The following SORBS2 variants were observed in gnomAD, a reference collection of about 807,000 sequenced individuals.
The protein encoded by SORBS2 is sorbin and SH3 domain-containing protein 2.
SORBS2 carries 46 observed loss-of-function variants against 97.7 expected under a neutral mutation model. That is an observed-to-expected ratio of 0.47 (90% CI 0.37 to 0.60). SORBS2 has a LOEUF of 0.60. Ranked by LOEUF, SORBS2 falls within the 20% of genes least tolerant of loss-of-function variation. SORBS2 has a pLI of 0.00. For synonymous variants in SORBS2, 476 were observed against 473.4 expected (o/e 1.01, Z -0.07); for missense variants, 1,316 against 1,282.3 (o/e 1.03, Z -0.40).
At chr4:185,858,601 C>A (rs1177708669) in intron 1 of SORBS2, among the ~76,000 whole-genome samples, 1 of 152,180 alleles carries the variant, frequency 6.6e-6, no homozygotes, top group African/African-American at 2.4e-5. Context: ...GCCATAAGCA[C>A]TGACATCTCT....
chr4:185,777,011 C>T (rs187885768), intron 1 of SORBS2, among the ~76,000 whole-genome samples: 11 of 151,268 alleles, frequency 7.3e-5, no homozygotes, highest in African/African-American at 2.7e-4. Context: ...TAAAGAAAGA[C>T]ACTGAAATAG....
chr4:185,619,650 A>G (rs1041637883), intron 8 of SORBS2, among the ~76,000 whole-genome samples: 13 of 152,240 alleles, frequency 8.5e-5, no homozygotes, highest in African/African-American at 3.1e-4. Flanking sequence ...GAAGCCAGCA[A>G]AAATGATTTC....
intron 1 of SORBS2, among the ~76,000 whole-genome samples, chr4:185,894,958 G>A (rs565000388): frequency 1.3e-5 from 2 of 152,324 alleles, no homozygotes; most frequent in East Asian, 3.9e-4. Context: ...TGACACCCCG[G>A]CTGGGCCCAT....
chr4:185,759,636 G>A (rs539663441), intron 2 of SORBS2, among the ~76,000 whole-genome samples: 18 of 151,400 alleles, frequency 1.2e-4, no homozygotes, highest in African/African-American at 4.4e-4. Context: ...TTCTGTTACA[G>A]TTTTAAAAGA....
intron 14 of SORBS2, among the ~76,000 whole-genome samples, chr4:185,588,958 C>T (rs547029270): frequency 6.6e-6 from 1 of 152,122 alleles, no homozygotes; most frequent in African/African-American, 2.4e-5. Flanking sequence ...GGCTTGTGGC[C>T]GCACCAGGGC....
chr4:185,943,152 C>T (rs943699645), intron 1 of SORBS2, among the ~76,000 whole-genome samples: 2 of 152,140 alleles, frequency 1.3e-5, no homozygotes, highest in East Asian at 1.9e-4. Flanking sequence ...TCATAGATCA[C>T]GTTCAAACAC....
At chr4:185,926,122 A>G (rs1446696005) in intron 1 of SORBS2, among the ~76,000 whole-genome samples, 2 of 152,256 alleles carry the variant, frequency 1.3e-5, no homozygotes, top group Admixed American at 1.3e-4. Context: ...TAACCGCGCT[A>G]TGTGCCAGGC....
chr4:185,603,109 G>A (rs1002318262), intron 12 of SORBS2, among the ~76,000 whole-genome samples: 4 of 152,186 alleles, frequency 2.6e-5, no homozygotes, highest in African/African-American at 9.6e-5. Context: ...TTTTGTTCTT[G>A]CAGAAGAGTA....
intron 12 of SORBS2, among the ~76,000 whole-genome samples, chr4:185,603,822 T>C (rs1281499123): frequency 6.6e-6 from 1 of 152,256 alleles, no homozygotes; most frequent in Non-Finnish European, 1.5e-5. Flanking sequence ...CCAGCGGAAC[T>C]GTCAGCCTGC....
intron 13 of SORBS2, 101 bp downstream of exon 25, chr4:185,593,785 G>T: frequency 1.3e-6 from 1 of 771,722 alleles, no homozygotes; most frequent in Non-Finnish European, 2.3e-6. Context: ...ATGTTAGTTT[G>T]ATCTTTCACG....
At chr4:185,861,094 T>C (rs2099223445) in intron 1 of SORBS2, among the ~76,000 whole-genome samples, 1 of 152,178 alleles carries the variant, frequency 6.6e-6, no homozygotes, top group Non-Finnish European at 1.5e-5. Context: ...CAGGGCCTGC[T>C]GTCTATCTTG....
intron 1 of SORBS2, among the ~76,000 whole-genome samples, chr4:185,863,231 A>G (rs764504356): frequency 2.0e-5 from 3 of 152,226 alleles, no homozygotes; most frequent in Non-Finnish European, 2.9e-5. Context: ...CCTTCTTTCA[A>G]CAATGTGTAT....
At position 185,815,608 on chromosome 4, in the gene SORBS2, A is replaced by G. The variant is rs1023434147; in HGVS notation, c.-337-40242T>C. Among the ~76,000 whole-genome samples, 3 of 152,190 alleles carry G rather than the reference A, an allele frequency of 2.0e-5. No homozygotes were observed. The East Asian group carries it at 5.8e-4, about 29-fold the overall frequency. On this transcript the variant is annotated intron_variant, in intron 1 of 20. Coordinates refer to the SORBS2 transcript ENST00000284776. The stretch of plus-strand genomic sequence containing the variant: ...CAAACAAATATATTATCATCAAAGA[A>G]TACATATACACACACATATATATGC...
intron 1 of SORBS2, among the ~76,000 whole-genome samples, chr4:185,895,975 G>GT (rs1208770758): frequency 1.3e-5 from 2 of 152,198 alleles, no homozygotes; most frequent in Non-Finnish European, 2.9e-5. Context: ...AAAAGGGAGT[G>GT]TATGAGAGTG....
At chr4:185,819,639 G>C (rs181569959) in intron 1 of SORBS2, among the ~76,000 whole-genome samples, 143 of 152,290 alleles carry the variant, frequency 9.4e-4, no homozygotes, top group African/African-American at 3.2e-3. Context: ...CTCATTTCTG[G>C]ACATTGTCAG....
chr4:185,809,073 CATT>C (rs929811699), intron 1 of SORBS2, among the ~76,000 whole-genome samples: 8 of 152,058 alleles, frequency 5.3e-5, no homozygotes, highest in Non-Finnish European at 8.8e-5. Context: ...ATGAAAGCCT[CATT>C]GTTGTTTTTC....
chr4:185,765,647 C>T (rs556101229), intron 2 of SORBS2, among the ~76,000 whole-genome samples: 1 of 152,216 alleles, frequency 6.6e-6, no homozygotes, highest in South Asian at 2.1e-4. Flanking sequence ...CACGTGTGTG[C>T]CAATTCTAAA....
rs116453987 is a variant in SORBS2 at position 185,863,872 on chromosome 4, T to C, written c.-337-88506A>G. On this transcript the variant is annotated intron_variant, in intron 1 of 20. Coordinates refer to the SORBS2 transcript ENST00000284776. ...CCCCATTTTAGTGTTGTTTGTACAA[T>C]TTAGAAAGGGCTATATTTAACAATA... Among the ~76,000 whole-genome samples the C allele has an allele frequency of 8.9e-4, 136 of 152,354 alleles. 1 individual carries two copies. The highest frequency in any genetic ancestry group is 3.1e-3 in the African/African-American group (128 of 41,588).
chr4:185,635,872 T>TGAGACAGGG (rs2096989488), intron 4 of SORBS2, among the ~76,000 whole-genome samples: 1 of 139,836 alleles, frequency 7.2e-6, no homozygotes, highest in Non-Finnish European at 1.6e-5. Flanking sequence ...TTATTTTATT[T>TGAGACAGGG]TTTTGAGACA....
Sources: gnomAD v4.1 joint callset for allele counts (sites outside exome capture counted in the v4.1 genomes callset) on GRCh38, gnomAD v4.1.1 for gene constraint, MANE v1.5 for transcripts, NCBI Gene and HGNC (gene_info 2026-07-23, HGNC 2026-07-21) for gene names.